NEDD4L: variants seen among roughly 807,000 people sequenced by gnomAD.
NEDD4L encodes the protein NEDD4 like E3 ubiquitin protein ligase.
In NEDD4L, 54 loss-of-function variants were observed where a neutral mutation model predicts 148.9. That is an observed-to-expected ratio of 0.36 (90% confidence interval 0.29 to 0.45). The LOEUF is 0.45. Ranked by LOEUF, NEDD4L falls within the 20% of genes least tolerant of loss-of-function variation. The pLI, the probability that NEDD4L is intolerant of heterozygous loss-of-function variation, is 1.00. For synonymous variants in NEDD4L, 433 were observed against 440.7 expected (o/e 0.98, Z 0.22); for missense variants, 856 against 1,233.8 (o/e 0.69, Z 4.59).
intron 20 of NEDD4L, among the ~76,000 whole-genome samples, chr18:58,364,583 AAGAC>A (rs1476939579): frequency 6.6e-6 from 1 of 152,222 alleles, no homozygotes; most frequent in Non-Finnish European, 1.5e-5. Flanking sequence ...AATACATAAA[AAGAC>A]AGGAATGATT....
chr18:58,132,500 T>G (rs544757468), intron 1 of NEDD4L, among the ~76,000 whole-genome samples: 3 of 152,352 alleles, frequency 2.0e-5, no homozygotes, highest in Middle Eastern at 6.8e-3. Context: ...AACCCTCCTA[T>G]TGTCAGATGG....
intron 26 of NEDD4L, among the ~76,000 whole-genome samples, chr18:58,386,357 A>AT (rs974155743): frequency 8.5e-4 from 128 of 151,094 alleles, no homozygotes; most frequent in African/African-American, 2.9e-3. Flanking sequence ...AGCCATGGAC[A>AT]TTTTTTTTTA....
intron 2 of NEDD4L, among the ~76,000 whole-genome samples, chr18:58,236,352 G>C (rs2046015247): frequency 1.3e-5 from 2 of 151,286 alleles, no homozygotes; most frequent in African/African-American, 4.9e-5. Context: ...GCGAGACCCT[G>C]TCTCAAAAAA....
intron 29 of NEDD4L, 93 bp from the exon 30 acceptor site, chr18:58,391,394 C>T: frequency 9.8e-7 from 1 of 1,017,926 alleles, no homozygotes; most frequent in Non-Finnish European, 1.5e-6. Flanking sequence ...GGGGGCAAAC[C>T]CTGCCCTGAC....
Position 58,385,564 on chromosome 18 carries a change from A to C in NEDD4L, c.2465A>C (p.Lys822Thr), listed in dbSNP as rs778557607. 6.2e-6 allele frequency: 10 copies of C among 1,613,800 alleles called. No homozygotes were observed. Among genetic ancestry groups the C allele is most frequent in the Admixed American group, 1.7e-5 (1 of 60,010 alleles). The change falls in exon 26 of 31, where the codon AAG (lysine) becomes ACG (threonine). Residue 822 changes from lysine (K) to threonine (T), a missense_variant. Around this residue, in one of 4 missense-constraint regions of NEDD4L, gnomAD observed 286 missense variants for 531.8 expected, o/e 0.54. Coordinates refer to ENST00000400345, the MANE Select transcript of NEDD4L (RefSeq NM_001144967.3). Reference sequence around the variant, plus strand: ...TGGAGATTTGTGAACAGGGTCCAGAAGCAGATGAACGCCTTCTTGGAGGTA... The same window carrying C: ...TGGAGATTTGTGAACAGGGTCCAGACGCAGATGAACGCCTTCTTGGAGGTA... ...IQWRFVNRVQ[K>T]QMNAFLEGFT...
Position 58,044,422 on chromosome 18 carries a change from G to T in NEDD4L, c.-239G>T. 6.2e-6 allele frequency: 2 copies of T among 324,564 alleles called. No individual in the cohort carries two copies. 20.1% of individuals were successfully genotyped at this position (324,564 alleles called of 1,614,324 possible). A position where few individuals can be genotyped will look rare whatever the true frequency, so the allele number is the denominator to read the frequency against. On this transcript the variant is annotated 5_prime_UTR_variant, in exon 1 of 31. Transcript: ENST00000400345. ...GGGGCTGCCGCCCGGTGCTCGGCGCGCTCTCGGGAGCCGCCCGCCCGCTGG... is the reference window on the plus strand; with the variant it reads ...GGGGCTGCCGCCCGGTGCTCGGCGCTCTCTCGGGAGCCGCCCGCCCGCTGG...
At chr18:58,114,361 T>TATAC (rs1555695638) in intron 1 of NEDD4L, among the ~76,000 whole-genome samples, 9 of 150,898 alleles carry the variant, frequency 6.0e-5, no homozygotes, top group African/African-American at 1.5e-4. Flanking sequence ...TATATATATA[T>TATAC]ACACACACAC....
chr18:58,117,615 C>T (rs2085934260), intron 1 of NEDD4L, among the ~76,000 whole-genome samples: 2 of 152,168 alleles, frequency 1.3e-5, no homozygotes, highest in Admixed American at 1.3e-4. Context: ...GTTACCCTGA[C>T]GGGGCCAGAG....
chr18:58,077,929 C>T (rs1012727943), intron 1 of NEDD4L, among the ~76,000 whole-genome samples: 1 of 151,664 alleles, frequency 6.6e-6, no homozygotes, highest in Non-Finnish European at 1.5e-5. Flanking sequence ...GGGATGCTGC[C>T]GAGCATCCTG....
chr18:58,385,494 G>T lies in NEDD4L; in HGVS notation c.2427-32G>T, dbSNP rs111269363. 82 of 1,568,400 alleles carry T rather than the reference G, an allele frequency of 5.2e-5. No homozygotes were observed. In the African/African-American group the frequency reaches 9.2e-4, roughly 18 times the overall value. ...GCAGTGAGCACTAGTGATGATGGAGGTGGTTCAATATTGTCCTCTTTTCTC... is the reference window on the plus strand; with the variant it reads ...GCAGTGAGCACTAGTGATGATGGAGTTGGTTCAATATTGTCCTCTTTTCTC... On this transcript the variant is annotated intron_variant, in intron 25 of 30. Transcript: ENST00000400345.
At chr18:58,064,658 C>G (rs2082510754) in intron 1 of NEDD4L, among the ~76,000 whole-genome samples, 1 of 152,146 alleles carries the variant, frequency 6.6e-6, no homozygotes, top group Non-Finnish European at 1.5e-5. Context: ...TCATCTTGAT[C>G]CTGAATACAA....
intron 2 of NEDD4L, among the ~76,000 whole-genome samples, chr18:58,173,515 T>G (rs542043154): frequency 2.0e-5 from 3 of 152,310 alleles, no homozygotes; most frequent in Non-Finnish European, 4.4e-5. Context: ...AGAAAGTCCT[T>G]CTGCTGCCTA....
At chr18:58,175,589 A>C (rs959858794) in intron 2 of NEDD4L, among the ~76,000 whole-genome samples, 1 of 152,210 alleles carries the variant, frequency 6.6e-6, no homozygotes, top group East Asian at 1.9e-4. Context: ...CACAACATCA[A>C]CACTAATGGC....
intron 5 of NEDD4L, among the ~76,000 whole-genome samples, chr18:58,261,634 A>C (rs2049397670): frequency 6.6e-6 from 1 of 152,260 alleles, no homozygotes. Flanking sequence ...CAGTACCAGA[A>C]TAAATTTACT....
Position 58,153,664 on chromosome 18 carries a change from T to TC in NEDD4L, c.49-12124_49-12123insC, listed in dbSNP as rs398120516. On this transcript the variant is annotated intron_variant, in intron 1 of 30. Coordinates refer to ENST00000400345, the MANE Select transcript of NEDD4L (RefSeq NM_001144967.3). Reference sequence around the variant, plus strand: ...TAGCTTTGCGAAACGTTTTTTTTTTTGAGATGGAGTCTCGCTCTGTCCCCC... The same window carrying TC: ...TAGCTTTGCGAAACGTTTTTTTTTTTCGAGATGGAGTCTCGCTCTGTCCCCC... Among the ~76,000 whole-genome samples, 5 of 151,756 alleles carry TC rather than the reference T, an allele frequency of 3.3e-5. No homozygotes were observed. The East Asian group carries it at 9.6e-4, about 29-fold the overall frequency.
chr18:58,044,540 A>C lies in NEDD4L; in HGVS notation c.-121A>C. On this transcript the variant is annotated 5_prime_UTR_variant, in exon 1 of 31. Coordinates refer to ENST00000400345, the MANE Select transcript of NEDD4L (RefSeq NM_001144967.3). ...GCCGGCGCCCGGCCGCTTACCCGGCAGGGCGTGCGCAGGGTAGGGTGCGGG... is the reference window on the plus strand; with the variant it reads ...GCCGGCGCCCGGCCGCTTACCCGGCCGGGCGTGCGCAGGGTAGGGTGCGGG... The C allele has an allele frequency of 8.1e-7, 1 of 1,241,870 alleles. No individual in the cohort carries two copies. 76.9% of individuals were successfully genotyped at this position (1,241,870 alleles called of 1,614,324 possible). A position where few individuals can be genotyped will look rare whatever the true frequency, so the allele number is the denominator to read the frequency against.
intron 1 of NEDD4L, among the ~76,000 whole-genome samples, chr18:58,114,413 G>C (rs1352932756): frequency 1.3e-5 from 2 of 152,160 alleles, no homozygotes; most frequent in African/African-American, 4.8e-5. Context: ...GGAAGTCTAT[G>C]TGTGTGCCAG....
intron 5 of NEDD4L, among the ~76,000 whole-genome samples, chr18:58,278,535 C>T (rs1235888127): frequency 3.3e-5 from 5 of 152,204 alleles, no homozygotes; most frequent in African/African-American, 1.2e-4. Flanking sequence ...AAACCCCATA[C>T]GGTCCTCCAT....
intron 1 of NEDD4L, among the ~76,000 whole-genome samples, chr18:58,090,332 A>C (rs996388711): frequency 5.3e-5 from 8 of 152,188 alleles, no homozygotes; most frequent in Admixed American, 5.2e-4. Context: ...GGGGACCTTA[A>C]AAGTTTTTGT....
Sources: gnomAD v4.1 joint callset for allele counts (sites outside exome capture counted in the v4.1 genomes callset) on GRCh38, gnomAD v4.1.1 for gene constraint, gnomAD v4.1.1 regional missense constraint, MANE v1.5 for transcripts, NCBI Gene and HGNC (gene_info 2026-07-23, HGNC 2026-07-21) for gene names.